LARGE1: variants seen among roughly 807,000 people sequenced by gnomAD.
LARGE1 encodes the protein LARGE xylosyl- and glucuronyltransferase 1.
In LARGE1, 43 loss-of-function variants were observed where a neutral mutation model predicts 87.6. The observed-to-expected ratio is 0.49, with a 90% confidence interval of 0.38 to 0.63. LARGE1 has a LOEUF of 0.63. Ranked by LOEUF, LARGE1 falls within the 30% of genes least tolerant of loss-of-function variation. The pLI, the probability that LARGE1 is intolerant of heterozygous loss-of-function variation, is 0.00. For synonymous variants in LARGE1, 434 were observed against 394.6 expected (o/e 1.10, Z -1.18); for missense variants, 802 against 1,000.2 (o/e 0.80, Z 2.67).
At chr22:33,901,703 A>C (rs543597671) in intron 1 of LARGE1, among the ~76,000 whole-genome samples, 1 of 152,310 alleles carries the variant, frequency 6.6e-6, no homozygotes, top group Non-Finnish European at 1.5e-5. Context: ...TTGAAATGAC[A>C]ATCTTCCAAT....
At chr22:33,852,938 G>C (rs2063652374) in intron 1 of LARGE1, among the ~76,000 whole-genome samples, 1 of 150,816 alleles carries the variant, frequency 6.6e-6, no homozygotes, top group South Asian at 2.1e-4. Flanking sequence ...AAACAGAACA[G>C]GGTAAAGAGG....
chr22:33,697,709 C>A (rs900923986), intron 2 of LARGE1, among the ~76,000 whole-genome samples: 2 of 152,180 alleles, frequency 1.3e-5, no homozygotes, highest in Non-Finnish European at 2.9e-5. Flanking sequence ...CGGTGCGCTG[C>A]AGAGTCTTTC....
chr22:33,746,340 T>C (rs2084083432), intron 2 of LARGE1: 1 of 152,234 alleles, frequency 6.6e-6, no homozygotes, highest in East Asian at 1.9e-4. Flanking sequence ...GTACAATAAA[T>C]GCTCCATAAA....
chr22:33,446,658 G>C (rs1436529936), intron 6 of LARGE1, among the ~76,000 whole-genome samples: 1 of 152,224 alleles, frequency 6.6e-6, no homozygotes, highest in Admixed American at 6.5e-5. Flanking sequence ...TGGCGAGGGA[G>C]ACGAGGCTGA....
intron 11 of LARGE1, among the ~76,000 whole-genome samples, chr22:33,223,780 A>G (rs1925575806): frequency 6.6e-6 from 1 of 152,214 alleles, no homozygotes; most frequent in Non-Finnish European, 1.5e-5. Flanking sequence ...TGCCTGGACC[A>G]GCCTTTGACA....
chr22:33,318,008 A>G (rs1366223398), intron 10 of LARGE1, among the ~76,000 whole-genome samples: 1 of 152,028 alleles, frequency 6.6e-6, no homozygotes, highest in Non-Finnish European at 1.5e-5. Flanking sequence ...AGGCTGAGGC[A>G]GGTGGATCAC....
Position 33,595,004 on chromosome 22 carries a change from C to T in LARGE1, c.615+9431G>A, listed in dbSNP as rs117855053. On this transcript the variant is annotated intron_variant, in intron 5 of 14. Coordinates refer to ENST00000397394, the MANE Select transcript of LARGE1 (RefSeq NM_133642.5). ...CACAAGAACGAGATTCTGGCATCCGCTCCATCCAAATGCTGCTCTCTTTAG... is the reference window on the plus strand; with the variant it reads ...CACAAGAACGAGATTCTGGCATCCGTTCCATCCAAATGCTGCTCTCTTTAG... Among the ~76,000 whole-genome samples the T allele has an allele frequency of 9.6e-4, 146 of 152,274 alleles. 5 individuals are homozygous for T. In the East Asian group the frequency reaches 0.027, roughly 28 times the overall value.
intron 3 of LARGE1, among the ~76,000 whole-genome samples, chr22:33,634,361 C>A (rs2080201582): frequency 6.6e-6 from 1 of 152,192 alleles, no homozygotes; most frequent in African/African-American, 2.4e-5. Flanking sequence ...ACTGCTGCTG[C>A]CGGCCCAGGG....
chr22:33,404,490 C>A (rs142569529), intron 7 of LARGE1, among the ~76,000 whole-genome samples: 36 of 152,308 alleles, frequency 2.4e-4, no homozygotes, highest in African/African-American at 7.9e-4. Flanking sequence ...CTCTGGCAGC[C>A]ATAAGGCCAC....
chr22:33,569,002 A>AACTACATT (rs1468877618), intron 5 of LARGE1, among the ~76,000 whole-genome samples: 1 of 152,084 alleles, frequency 6.6e-6, no homozygotes, highest in Non-Finnish European at 1.5e-5. Flanking sequence ...TCTTTCCCCA[A>AACTACATT]ACTACATTAT....
chr22:33,291,836 T>A (rs141539233), intron 12 of LARGE1, among the ~76,000 whole-genome samples: 69 of 152,206 alleles, frequency 4.5e-4, no homozygotes, highest in Middle Eastern at 3.4e-3. Flanking sequence ...CTCACACCTA[T>A]AATCCCAGCA....
At chr22:33,398,600 A>T (rs2065830440) in intron 7 of LARGE1, among the ~76,000 whole-genome samples, 1 of 152,182 alleles carries the variant, frequency 6.6e-6, no homozygotes, top group African/African-American at 2.4e-5. Flanking sequence ...AAGTGTTCTT[A>T]TGGGTTGAAT....
chr22:33,874,722 T>G (rs1277236792), intron 1 of LARGE1, among the ~76,000 whole-genome samples: 2 of 152,206 alleles, frequency 1.3e-5, no homozygotes, highest in African/African-American at 4.8e-5. Flanking sequence ...TTCAGGCCAG[T>G]AACTTAGCCT....
the LARGE1 span, among the ~76,000 whole-genome samples, chr22:33,078,559 T>C: frequency 6.6e-6 from 1 of 152,190 alleles, no homozygotes; most frequent in Non-Finnish European, 1.5e-5. Flanking sequence ...GTTATGAAAA[T>C]TACTGACCAG....
chr22:33,389,237 G>T (rs1601670085), intron 7 of LARGE1, among the ~76,000 whole-genome samples: 1 of 152,238 alleles, frequency 6.6e-6, no homozygotes, highest in Admixed American at 6.5e-5. Context: ...CTGAACACAC[G>T]CACAGGCAAT....
At chr22:33,084,453 G>A in the LARGE1 span, among the ~76,000 whole-genome samples, 1 of 151,412 alleles carries the variant, frequency 6.6e-6, no homozygotes, top group African/African-American at 2.4e-5. Context: ...GAGCCCAGGA[G>A]TTTGAGACCA....
chr22:33,815,690 G>A (rs1465984354), intron 1 of LARGE1, among the ~76,000 whole-genome samples: 1 of 152,164 alleles, frequency 6.6e-6, no homozygotes, highest in East Asian at 1.9e-4. Flanking sequence ...GAGACTGCCT[G>A]GCCATGAGTT....
chr22:33,199,141 T>C (rs918165489), intron 11 of LARGE1, among the ~76,000 whole-genome samples: 1 of 152,122 alleles, frequency 6.6e-6, no homozygotes, highest in Admixed American at 6.5e-5. Flanking sequence ...CAGCCGCTTG[T>C]ATGTCTTCTT....
chr22:33,711,062 C>T (rs889025814), intron 2 of LARGE1, among the ~76,000 whole-genome samples: 1 of 152,060 alleles, frequency 6.6e-6, no homozygotes, highest in Non-Finnish European at 1.5e-5. Flanking sequence ...CCCAAGCAAG[C>T]AAGAGAGGGC....
Sources: allele counts gnomAD v4.1 joint callset (sites outside exome capture counted in the v4.1 genomes callset), GRCh38; gene constraint gnomAD v4.1.1; transcripts MANE v1.5; gene names NCBI Gene and HGNC (gene_info 2026-07-23, HGNC 2026-07-21).